The following RBMS3 variants were observed in gnomAD, a reference collection of about 807,000 sequenced individuals.
The protein encoded by RBMS3 is RNA binding motif single stranded interacting protein 3, also known as RNA-binding motif, single-stranded-interacting protein 3.
A neutral mutation model predicts 66.8 loss-of-function variants in RBMS3; 27 were observed. The ratio of observed to expected loss-of-function variants is 0.40; its 90% CI spans 0.30 to 0.56. The LOEUF (loss-of-function observed/expected upper bound fraction) is 0.56. Ranked by LOEUF, RBMS3 falls within the 20% of genes least tolerant of loss-of-function variation. The pLI, the probability that RBMS3 is intolerant of heterozygous loss-of-function variation, is 0.40. For synonymous variants in RBMS3, 188 were observed against 183.0 expected (o/e 1.03, Z -0.22); for missense variants, 513 against 549.5 (o/e 0.93, Z 0.66).
At chr3:29,656,202 C>T (rs1456742436) in intron 4 of RBMS3, among the ~76,000 whole-genome samples, 1 of 152,090 alleles carries the variant, frequency 6.6e-6, no homozygotes, top group African/African-American at 2.4e-5. Flanking sequence ...CAGCAGTGTA[C>T]AACGATGTTC....
intron 2 of RBMS3, among the ~76,000 whole-genome samples, chr3:29,477,164 ACT>A (rs146170794): frequency 0.072 from 10,960 of 151,816 alleles, 468 homozygotes; most frequent in East Asian, 0.16. Context: ...GTATTTTTAA[ACT>A]CTGTTTTCGT....
intron 3 of RBMS3, among the ~76,000 whole-genome samples, chr3:29,584,290 TCCAGC>T (rs1290047745): frequency 1.3e-5 from 2 of 151,348 alleles, no homozygotes; most frequent in African/African-American, 4.9e-5. Flanking sequence ...TCTCTGACTC[TCCAGC>T]TTTCTTTGCA....
intron 4 of RBMS3, among the ~76,000 whole-genome samples, chr3:29,632,911 C>T (rs1576403164): frequency 6.6e-6 from 1 of 151,926 alleles, no homozygotes; most frequent in South Asian, 2.1e-4. Context: ...TTCTAAGTAA[C>T]TGGCACAATG....
chr3:29,617,469 C>T (rs1007678246), intron 4 of RBMS3, among the ~76,000 whole-genome samples: 3 of 152,158 alleles, frequency 2.0e-5, no homozygotes, highest in African/African-American at 7.2e-5. Flanking sequence ...AGGATTGTTA[C>T]TAGGAAGGAG....
At chr3:29,439,418 G>A (rs2041527411) in intron 2 of RBMS3, among the ~76,000 whole-genome samples, 1 of 152,092 alleles carries the variant, frequency 6.6e-6, no homozygotes, top group Non-Finnish European at 1.5e-5. Flanking sequence ...AAGAGGGTGT[G>A]AGAAGTAATA....
intron 6 of RBMS3, among the ~76,000 whole-genome samples, chr3:29,812,454 G>C (rs1486717483): frequency 6.6e-6 from 1 of 152,120 alleles, no homozygotes; most frequent in African/African-American, 2.4e-5. Context: ...ACTTGACTTA[G>C]ATTCAAAAAA....
chr3:29,883,678 G>T (rs984669012), intron 7 of RBMS3, among the ~76,000 whole-genome samples: 1 of 151,858 alleles, frequency 6.6e-6, no homozygotes, highest in Admixed American at 6.6e-5. Context: ...AAGCACTCTG[G>T]ACTCATTACC....
At chr3:29,801,665 A>G (rs1474779551) in intron 6 of RBMS3, among the ~76,000 whole-genome samples, 2 of 152,168 alleles carry the variant, frequency 1.3e-5, no homozygotes, top group Non-Finnish European at 2.9e-5. Flanking sequence ...TCTCTGCCAT[A>G]AAAGGAAAAA....
rs568524243 is a variant in RBMS3 at position 29,475,461 on chromosome 3, G to A, written c.249-12980G>A. On this transcript the variant is annotated intron_variant, in intron 2 of 14. Transcript: ENST00000383767. Reference sequence around the variant, plus strand: ...GATGGGGTTTTACTGTGTTGCTCAGGCTGGTCACGAACCCTTGAGCTCAGG... The same window carrying A: ...GATGGGGTTTTACTGTGTTGCTCAGACTGGTCACGAACCCTTGAGCTCAGG... Among the ~76,000 whole-genome samples the A allele has an allele frequency of 4.5e-4, 69 of 152,080 alleles. 1 individual carries two copies. The South Asian group carries it at 0.014, about 31-fold the overall frequency.
At chr3:29,709,982 A>G (rs578032970) in intron 4 of RBMS3, among the ~76,000 whole-genome samples, 2 of 152,292 alleles carry the variant, frequency 1.3e-5, no homozygotes, top group East Asian at 3.9e-4. Context: ...AGGAGAAAAA[A>G]CACGTTACCA....
intron 2 of RBMS3, among the ~76,000 whole-genome samples, chr3:29,475,973 C>A (rs2042933996): frequency 6.6e-6 from 1 of 152,108 alleles, no homozygotes; most frequent in Admixed American, 6.5e-5. Flanking sequence ...TCCTTCAGCC[C>A]ATGACCCTCC....
At chr3:29,964,853 C>A (rs1033897212) in intron 12 of RBMS3, among the ~76,000 whole-genome samples, 1 of 152,054 alleles carries the variant, frequency 6.6e-6, no homozygotes, top group African/African-American at 2.4e-5. Context: ...TATTTGTAGT[C>A]TTTTATTCCT....
chr3:29,390,078 C>A (rs1011562187), intron 1 of RBMS3, among the ~76,000 whole-genome samples: 25 of 152,154 alleles, frequency 1.6e-4, no homozygotes, highest in African/African-American at 6.0e-4. Flanking sequence ...TCCTACAAAA[C>A]CCCTTGATAC....
chr3:29,999,723 A>C (rs1216077145), intron 14 of RBMS3, among the ~76,000 whole-genome samples: 1 of 151,676 alleles, frequency 6.6e-6, no homozygotes. Context: ...ACACATGGAC[A>C]CAGGAAGGGG....
At chr3:29,965,580 G>T (rs559933916) in intron 12 of RBMS3, among the ~76,000 whole-genome samples, 21 of 151,938 alleles carry the variant, frequency 1.4e-4, no homozygotes, top group African/African-American at 3.6e-4. Context: ...GGATTGTTTG[G>T]TTTTTTCTTA....
chr3:29,666,639 AT>A (rs10706053), intron 4 of RBMS3, among the ~76,000 whole-genome samples: 152,195 of 152,198 alleles, frequency 1, 76,096 homozygotes, highest in Middle Eastern at 1. Flanking sequence ...TGCAAAACCA[AT>A]TTTTATCATT....
chr3:29,344,983 G>A (rs1423731783), intron 1 of RBMS3, among the ~76,000 whole-genome samples: 1 of 152,148 alleles, frequency 6.6e-6, no homozygotes, highest in East Asian at 1.9e-4. Flanking sequence ...AAGGGCTGGA[G>A]GATTCTTAAT....
At chr3:29,664,219 G>A (rs2050665761) in intron 4 of RBMS3, among the ~76,000 whole-genome samples, 1 of 152,150 alleles carries the variant, frequency 6.6e-6, no homozygotes, top group African/African-American at 2.4e-5. Flanking sequence ...GCCAGGCACG[G>A]CGACGCATGC....
At chr3:29,828,207 T>A (rs2058260249) in intron 6 of RBMS3, among the ~76,000 whole-genome samples, 2 of 152,166 alleles carry the variant, frequency 1.3e-5, no homozygotes, top group South Asian at 4.1e-4. Context: ...TCACTGGCCC[T>A]ATATCCCAAG....
Sources: allele counts gnomAD v4.1 joint callset (sites outside exome capture counted in the v4.1 genomes callset), GRCh38; gene constraint gnomAD v4.1.1; transcripts MANE v1.5; gene names NCBI Gene and HGNC (gene_info 2026-07-23, HGNC 2026-07-21).